The following SLC25A48 variants were observed in gnomAD, a reference collection of about 807,000 sequenced individuals.
The protein encoded by SLC25A48 is solute carrier family 25 member 48, also known as CTC-321K16.1.
Under a neutral mutation model 32.2 loss-of-function variants are expected in SLC25A48, and 29 were observed. The ratio of observed to expected loss-of-function variants is 0.90; its 90% confidence interval spans 0.67 to 1.23. The LOEUF is 1.23. SLC25A48 is among the 50% of genes most tolerant of loss of function. SLC25A48 has a pLI of 0.00. For missense variants in SLC25A48, 399 were observed against 422.7 expected (o/e 0.94, Z 0.49); for synonymous variants, 164 against 172.3 (o/e 0.95, Z 0.38).
chr5:135,580,590 A>AAT (rs1561743600), intron 1 of SLC25A48, among the ~76,000 whole-genome samples: 4 of 152,212 alleles, frequency 2.6e-5, no homozygotes, highest in African/African-American at 9.6e-5. Flanking sequence ...CTATACCTAA[A>AAT]GCAAAGCCAA....
At chr5:135,686,353 T>C (rs1301033280) in intron 3 of SLC25A48, among the ~76,000 whole-genome samples, 1 of 152,238 alleles carries the variant, frequency 6.6e-6, no homozygotes, top group Non-Finnish European at 1.5e-5. Flanking sequence ...AGCTCCTCTT[T>C]GTCCCTCAGC....
intron 3 of SLC25A48, among the ~76,000 whole-genome samples, chr5:135,762,307 A>AC (rs1441319015): frequency 6.6e-6 from 1 of 152,094 alleles, no homozygotes; most frequent in African/African-American, 2.4e-5. Context: ...ATCTGCTGTT[A>AC]TTTGCTGAAA....
chr5:135,802,446 T>C (rs1273095957), intron 3 of SLC25A48, among the ~76,000 whole-genome samples: 3 of 151,624 alleles, frequency 2.0e-5, no homozygotes, highest in Non-Finnish European at 4.4e-5. Context: ...CCTAGGGAGG[T>C]ATTACTCCTA....
intron 1 of SLC25A48, among the ~76,000 whole-genome samples, chr5:135,598,244 A>G (rs1253665347): frequency 2.0e-5 from 3 of 152,224 alleles, no homozygotes; most frequent in African/African-American, 4.8e-5. Flanking sequence ...ATTGTCCCCT[A>G]TAAAACAATT....
chr5:135,842,294 C>T lies in SLC25A48; in HGVS notation c.47-122C>T, dbSNP rs1431762298. On this transcript the variant is annotated intron_variant, in intron 1 of 7. Transcript: ENST00000681962. ...AGTGCCTAGCACATTGGAGCCCACCCACTCCCCCTACCCCAGCAATTGACC... is the reference window on the plus strand; with the variant it reads ...AGTGCCTAGCACATTGGAGCCCACCTACTCCCCCTACCCCAGCAATTGACC... 8.2e-6 allele frequency: 8 copies of T among 979,910 alleles called. No homozygotes were observed. In the Admixed American group the frequency reaches 1.0e-4, roughly 13 times the overall value. 60.7% of individuals were successfully genotyped at this position (979,910 alleles called of 1,614,324 possible).
chr5:135,619,611 C>T (rs569062150), intron 1 of SLC25A48, among the ~76,000 whole-genome samples: 1 of 152,298 alleles, frequency 6.6e-6, no homozygotes, highest in Admixed American at 6.5e-5. Flanking sequence ...CATGGTGTCA[C>T]AGTCACTTCT....
intron 3 of SLC25A48, among the ~76,000 whole-genome samples, chr5:135,675,663 C>G (rs762741671): frequency 6.6e-6 from 1 of 151,866 alleles, no homozygotes; most frequent in East Asian, 1.9e-4. Flanking sequence ...TTCTTTTGCT[C>G]AAGATTGCTT....
Position 135,834,746 on chromosome 5 carries a change from T to TC in SLC25A48, c.-100dup. On this transcript the variant is annotated 5_prime_UTR_variant, in exon 1 of 8. Transcript: ENST00000681962. The stretch of plus-strand genomic sequence containing the variant: ...GTAGGACCTGCGGCGTGCTCGAGAC[T>TC]CCGACTTCGGTCTTGCGGCGCGCTC... 1.5e-6 allele frequency: 2 copies of TC among 1,303,992 alleles called. No individual in the cohort carries two copies. The highest frequency in any genetic ancestry group is 3.0e-5 in the South Asian group (2 of 66,562). The allele number at this position is 1,303,992 out of a possible 1,614,324, so 80.8% of individuals were successfully genotyped here.
intron 3 of SLC25A48, among the ~76,000 whole-genome samples, chr5:135,795,429 C>T (rs545461123): frequency 6.6e-6 from 1 of 151,876 alleles, no homozygotes; most frequent in South Asian, 2.1e-4. Context: ...GATATTGTTC[C>T]TAATATCCAG....
At chr5:135,769,261 G>GC (rs1481282358) in intron 3 of SLC25A48, among the ~76,000 whole-genome samples, 1 of 138,190 alleles carries the variant, frequency 7.2e-6, no homozygotes, top group Non-Finnish European at 1.6e-5. Context: ...TGCAATATTG[G>GC]GGGGGGAGAA....
chr5:135,773,279 G>T (rs1034613940), intron 3 of SLC25A48, among the ~76,000 whole-genome samples: 2 of 151,354 alleles, frequency 1.3e-5, no homozygotes, highest in Non-Finnish European at 3.0e-5. Context: ...TGGAATGTTG[G>T]TATTACTATC....
chr5:135,844,650 C>A (rs17169228), intron 2 of SLC25A48, among the ~76,000 whole-genome samples: 1 of 152,144 alleles, frequency 6.6e-6, no homozygotes, highest in Admixed American at 6.5e-5. Flanking sequence ...GATTCAAAAT[C>A]GGTAGCTGCT....
intron 3 of SLC25A48, among the ~76,000 whole-genome samples, chr5:135,748,674 C>T (rs1219618573): frequency 2.0e-5 from 3 of 152,012 alleles, no homozygotes; most frequent in Admixed American, 6.5e-5. Context: ...CTCTTCTGAC[C>T]ACAGGATCTT....
At chr5:135,616,288 C>T (rs568422266) in intron 1 of SLC25A48, among the ~76,000 whole-genome samples, 6 of 152,234 alleles carry the variant, frequency 3.9e-5, no homozygotes, top group South Asian at 2.1e-4. Flanking sequence ...CAGCTTGTAC[C>T]GTGCACCTGG....
intron 4 of SLC25A48, among the ~76,000 whole-genome samples, chr5:135,869,002 G>A (rs187543394): frequency 6.6e-6 from 1 of 152,304 alleles, no homozygotes; most frequent in Non-Finnish European, 1.5e-5. Context: ...ACACACGAGT[G>A]AGAAGGGAGG....
chr5:135,837,278 G>A (rs775183077), intron 1 of SLC25A48, among the ~76,000 whole-genome samples: 3 of 152,120 alleles, frequency 2.0e-5, no homozygotes. Flanking sequence ...AGTTTAGTAG[G>A]TAGGAGGGGA....
chr5:135,611,728 A>C (rs1024828121), intron 1 of SLC25A48, among the ~76,000 whole-genome samples: 3 of 152,042 alleles, frequency 2.0e-5, no homozygotes, highest in African/African-American at 7.2e-5. Flanking sequence ...ACACAAACAA[A>C]CAACCTCACT....
In SLC25A48 at chr5:135,780,317, A is replaced by T. The variant is rs897568380; in HGVS notation, c.-520-32206A>T. On this transcript the variant is annotated intron_variant, in intron 3 of 10. Coordinates refer to the SLC25A48 transcript ENST00000646290. ...TAGCCAGGATGGTCTTGATCTCCTAACCTCGTGATCCGCCCGCCTCGGCCT... is the reference window on the plus strand; with the variant it reads ...TAGCCAGGATGGTCTTGATCTCCTATCCTCGTGATCCGCCCGCCTCGGCCT... Among the ~76,000 whole-genome samples the T allele has an allele frequency of 1.7e-5, 2 of 115,150 alleles. 1 individual carries two copies. Among genetic ancestry groups the T allele is most frequent in the Non-Finnish European group, 4.3e-5 (2 of 46,818 alleles). The allele number at this position is 115,150 out of a possible 152,430, so 75.5% of individuals were successfully genotyped here. A position where few individuals can be genotyped will look rare whatever the true frequency, so the allele number is the denominator to read the frequency against.
intron 3 of SLC25A48, among the ~76,000 whole-genome samples, chr5:135,687,734 A>G (rs1283034316): frequency 3.9e-5 from 6 of 152,168 alleles, no homozygotes; most frequent in African/African-American, 1.2e-4. Context: ...GCAGAGTGAA[A>G]TGGATGCTGA....
Sources: gnomAD v4.1 joint callset for allele counts (sites outside exome capture counted in the v4.1 genomes callset) on GRCh38, gnomAD v4.1.1 for gene constraint, MANE v1.5 for transcripts, NCBI Gene and HGNC (gene_info 2026-07-23, HGNC 2026-07-21) for gene names.